WLS: variants seen among roughly 807,000 people sequenced by gnomAD.
The protein encoded by WLS is Wnt ligand secretion mediator.
A neutral mutation model predicts 62.8 loss-of-function variants in WLS; 23 were observed. The ratio of observed to expected loss-of-function variants is 0.37; its 90% CI spans 0.26 to 0.52. The LOEUF is 0.52. Ranked by LOEUF, WLS falls within the 20% of genes least tolerant of loss-of-function variation. The pLI is 0.92. For synonymous variants in WLS, 246 were observed against 244.1 expected, an observed-to-expected ratio of 1.01 and a Z score of -0.07; for missense variants, 615 against 697.3, an observed-to-expected ratio of 0.88 and a Z score of 1.33.
At chr1:68,180,918 T>C (rs1647531293) in intron 2 of WLS, among the ~76,000 whole-genome samples, 1 of 152,222 alleles carries the variant, frequency 6.6e-6, no homozygotes, top group Non-Finnish European at 1.5e-5. Flanking sequence ...ACTATCTCTC[T>C]ACTAACACCA....
chr1:68,213,885 C>T (rs1225160787), intron 1 of WLS, among the ~76,000 whole-genome samples: 1 of 152,154 alleles, frequency 6.6e-6, no homozygotes, highest in Non-Finnish European at 1.5e-5. Flanking sequence ...CTTCCTCGGC[C>T]TCACAGCCTT....
intron 11 of WLS, among the ~76,000 whole-genome samples, chr1:68,107,828 C>T (rs574882690): frequency 1.5e-4 from 23 of 152,134 alleles, no homozygotes; most frequent in Non-Finnish European, 2.9e-4. Flanking sequence ...ACGGTAGAAG[C>T]GGCAGCACAG....
chr1:68,149,748 G>A (rs566338593), intron 6 of WLS, among the ~76,000 whole-genome samples: 162 of 152,238 alleles, frequency 1.1e-3, no homozygotes, highest in African/African-American at 3.8e-3. Context: ...GCTGGAAAGA[G>A]CCAGGCCCAC....
intron 11 of WLS, among the ~76,000 whole-genome samples, chr1:68,126,764 G>A (rs1053331887): frequency 6.6e-6 from 1 of 152,168 alleles, no homozygotes; most frequent in African/African-American, 2.4e-5. Flanking sequence ...ATTGTCCTGG[G>A]TGGAGGAGCA....
rs1409807100 is a variant in WLS at position 68,231,656 on chromosome 1, T to C, written c.106+538A>G. On this transcript the variant is annotated intron_variant, in intron 1 of 11. Coordinates refer to ENST00000262348, the MANE Select transcript of WLS (RefSeq NM_024911.7). ...AGGGCGCGAAGGTCGGGACCCCAAA[T>C]TGCAAACCCTCAGCCCCTAGCAAAG... 5 of 439,214 alleles carry C rather than the reference T, an allele frequency of 1.1e-5. No individual in the cohort carries two copies. The East Asian group carries it at 2.9e-4, about 26-fold the overall frequency. The allele number at this position is 439,214 out of a possible 1,614,324, so 27.2% of individuals were successfully genotyped here.
intron 1 of WLS, among the ~76,000 whole-genome samples, chr1:68,201,814 C>T (rs949191101): frequency 1.3e-5 from 2 of 152,154 alleles, no homozygotes; most frequent in Non-Finnish European, 2.9e-5. Flanking sequence ...GTACCGTACA[C>T]ACAAAAGTCA....
chr1:68,135,812 T>G (rs966917572), intron 11 of WLS, among the ~76,000 whole-genome samples: 1 of 152,160 alleles, frequency 6.6e-6, no homozygotes, highest in African/African-American at 2.4e-5. Flanking sequence ...GCTGCTCGTG[T>G]TGTGGAAGCC....
chr1:68,186,685 AT>A (rs1380915228), intron 2 of WLS: 3 of 455,944 alleles, frequency 6.6e-6, no homozygotes, highest in East Asian at 1.4e-4. Flanking sequence ...GATAAACAAT[AT>A]AAAAAGTAGA....
chr1:68,214,110 C>A (rs1011845775), intron 1 of WLS, among the ~76,000 whole-genome samples: 8 of 152,150 alleles, frequency 5.3e-5, no homozygotes, highest in Non-Finnish European at 1.0e-4. Flanking sequence ...TCAAAGCCAG[C>A]AGCCTGGCCA....
Position 68,115,613 on chromosome 1 carries a change from G to T in WLS, c.1511-16860C>A, listed in dbSNP as rs539266464. 7.2e-3 allele frequency among the ~76,000 whole-genome samples: 1,091 copies of T among 152,274 alleles called. 9 individuals are homozygous for T. Among genetic ancestry groups the T allele is most frequent in the Non-Finnish European group, 0.01 (682 of 68,020 alleles). On this transcript the variant is annotated intron_variant, in intron 11 of 11. Coordinates refer to the WLS transcript ENST00000354777. ...TACCTATATCATGGGACTACTGTGA[G>T]GTGCCAGCACATTATCAGTGCTTTG...
intron 3 of WLS, among the ~76,000 whole-genome samples, 190 bp downstream of exon 3, chr1:68,158,933 G>A (rs1317009918): frequency 6.6e-6 from 1 of 152,188 alleles, no homozygotes; most frequent in Non-Finnish European, 1.5e-5. Context: ...AATCTTAACA[G>A]TAATAGGCAA....
chr1:68,127,203 A>T (rs1244262656), intron 11 of WLS: 4 of 236,268 alleles, frequency 1.7e-5, no homozygotes, highest in African/African-American at 9.4e-5. Context: ...CTAAAAAAAT[A>T]AAAAAATAAA....
In WLS at chr1:68,125,701, CAACTT is replaced by C. The variant is rs756695541; in HGVS notation, c.*520_*524del. The C allele has an allele frequency of 6.4e-4, 628 of 985,700 alleles. No individual in the cohort carries two copies. Among genetic ancestry groups the C allele is most frequent in the Middle Eastern group, 1.0e-3 (2 of 1,914 alleles). The allele number at this position is 985,700 out of a possible 1,614,324, so 61.1% of individuals were successfully genotyped here. ...CAAAACAGGGACACTTATCTATTGA[CAACTT>C]AAATATTAACTCAGTGGGCTACCTG... On this transcript the variant is annotated 3_prime_UTR_variant, in exon 12 of 12. Transcript: ENST00000262348.
intron 2 of WLS, among the ~76,000 whole-genome samples, chr1:68,187,842 A>C (rs535414724): frequency 6.6e-6 from 1 of 152,172 alleles, no homozygotes; most frequent in South Asian, 2.1e-4. Flanking sequence ...AGTTTCTTTT[A>C]AAAAGTTCAG....
chr1:68,206,526 T>C (rs1264905670), intron 1 of WLS, among the ~76,000 whole-genome samples: 1 of 152,100 alleles, frequency 6.6e-6, no homozygotes, highest in African/African-American at 2.4e-5. Flanking sequence ...AAAGGTGACT[T>C]TTAGGGTCTT....
chr1:68,126,246 G>T lies in WLS; in HGVS notation c.1606C>A (p.Arg536Ser). Residue 536 changes from arginine to serine, a missense_variant, in exon 12 of 12, where the codon CGC (arginine) becomes AGC (serine). By Grantham distance (110) the Arg-to-Ser change is moderately radical. Coordinates refer to ENST00000262348, the MANE Select transcript of WLS (RefSeq NM_024911.7). ...GCCTCCTACTCCTGGGCCTCCTTGC[G>T]GGTCAACTTGTAGATCTCAGTGGGT... is the stretch of plus-strand genomic sequence containing the variant. Reference protein sequence around the residue: ...DGPTEIYKLTRKEAQE With the variant: ...DGPTEIYKLTSKEAQE 1 of 1,614,138 alleles carries T rather than the reference G, an allele frequency of 6.2e-7. No individual in the cohort carries two copies. Among genetic ancestry groups the T allele is most frequent in the Non-Finnish European group, 8.5e-7 (1 of 1,180,028 alleles).
intron 2 of WLS, among the ~76,000 whole-genome samples, chr1:68,159,530 C>T (rs975274045): frequency 3.3e-5 from 5 of 152,164 alleles, no homozygotes; most frequent in Non-Finnish European, 5.9e-5. Flanking sequence ...AATGGTCAGA[C>T]CTCATCCTCC....
chr1:68,136,822 A>G (rs920955427), intron 11 of WLS, among the ~76,000 whole-genome samples: 4 of 152,208 alleles, frequency 2.6e-5, no homozygotes, highest in African/African-American at 9.7e-5. Context: ...ACACACACTC[A>G]CTGAGTACTT....
intron 11 of WLS, among the ~76,000 whole-genome samples, chr1:68,105,123 ATTCTC>A (rs1331555196): frequency 6.6e-6 from 1 of 152,226 alleles, no homozygotes; most frequent in Non-Finnish European, 1.5e-5. Flanking sequence ...ATTAATGTCT[ATTCTC>A]TTTTCCAATT....
Sources: allele counts gnomAD v4.1 joint callset (sites outside exome capture counted in the v4.1 genomes callset), GRCh38; gene constraint gnomAD v4.1.1; transcripts MANE v1.5; gene names NCBI Gene and HGNC (gene_info 2026-07-23, HGNC 2026-07-21).